NKAIN2: variants seen among roughly 807,000 people sequenced by gnomAD.
NKAIN2 encodes the protein sodium/potassium-transporting ATPase subunit beta-1-interacting protein 2.
A neutral mutation model predicts 32.6 loss-of-function variants in NKAIN2; 14 were observed. The observed-to-expected ratio is 0.43, with a 90% confidence interval of 0.28 to 0.67. NKAIN2 has a LOEUF of 0.67. NKAIN2 is among the 30% of genes least tolerant of loss of function. The pLI is 0.17. For synonymous variants in NKAIN2, 80 were observed against 87.2 expected (o/e 0.92, Z 0.46); for missense variants, 198 against 258.3 (o/e 0.77, Z 1.60).
chr6:124,618,564 G>T (rs1399935406), intron 3 of NKAIN2, among the ~76,000 whole-genome samples: 1 of 152,130 alleles, frequency 6.6e-6, no homozygotes, highest in Non-Finnish European at 1.5e-5. Context: ...ATACCTGAAA[G>T]TTCCTGCTAG....
At chr6:124,733,743 A>G (rs1776799280) in intron 4 of NKAIN2, among the ~76,000 whole-genome samples, 1 of 151,818 alleles carries the variant, frequency 6.6e-6, no homozygotes, top group Non-Finnish European at 1.5e-5. Flanking sequence ...ATAGATGCAT[A>G]TAGTTACATA....
At chr6:124,147,388 T>C (rs1362743095) in intron 1 of NKAIN2, among the ~76,000 whole-genome samples, 1 of 151,554 alleles carries the variant, frequency 6.6e-6, no homozygotes, top group Admixed American at 6.6e-5. Flanking sequence ...GAGAACAGTC[T>C]CCACCATACA....
chr6:124,450,238 C>T (rs1776045929), intron 3 of NKAIN2, among the ~76,000 whole-genome samples: 1 of 152,006 alleles, frequency 6.6e-6, no homozygotes, highest in African/African-American at 2.4e-5. Context: ...ATTTGGAAGA[C>T]TACCAAATAT....
At chr6:124,279,273 C>T (rs1456594107) in intron 1 of NKAIN2, among the ~76,000 whole-genome samples, 1 of 151,862 alleles carries the variant, frequency 6.6e-6, no homozygotes, top group African/African-American at 2.4e-5. Context: ...TTTGGGAGGC[C>T]GACGTGGGCC....
intron 1 of NKAIN2, among the ~76,000 whole-genome samples, chr6:124,169,826 C>A (rs1788756782): frequency 2.6e-5 from 4 of 152,138 alleles, no homozygotes; most frequent in Admixed American, 2.6e-4. Flanking sequence ...GTGGAACGGA[C>A]TTTCACCCCA....
At chr6:123,848,729 A>C (rs1224093052) in intron 1 of NKAIN2, among the ~76,000 whole-genome samples, 2 of 152,188 alleles carry the variant, frequency 1.3e-5, no homozygotes, top group African/African-American at 2.4e-5. Context: ...ACTGAGCCAA[A>C]GGGTGTGTGC....
At chr6:124,361,262 G>A (rs1038311617) in intron 3 of NKAIN2, among the ~76,000 whole-genome samples, 9 of 151,990 alleles carry the variant, frequency 5.9e-5, no homozygotes, top group African/African-American at 1.7e-4. Context: ...TGGATTGTCC[G>A]TAAAAACCTA....
Position 124,005,241 on chromosome 6 carries a change from C to T in NKAIN2, c.54+200987C>T, listed in dbSNP as rs117966992. On this transcript the variant is annotated intron_variant, in intron 1 of 6. Transcript: ENST00000368417. ...CTCCATCTCAAAAAACAAAACAAAACGAAACAAAACAGAAAGGAAAACCCT... is the reference window on the plus strand; with the variant it reads ...CTCCATCTCAAAAAACAAAACAAAATGAAACAAAACAGAAAGGAAAACCCT... Among the ~76,000 whole-genome samples, 1,110 of 151,982 alleles carry T rather than the reference C, an allele frequency of 7.3e-3. 4 individuals carry two copies. The highest frequency in any genetic ancestry group is 0.011 in the Non-Finnish European group (739 of 67,934).
At chr6:124,759,415 T>C (rs1391924552) in intron 4 of NKAIN2, among the ~76,000 whole-genome samples, 1 of 152,112 alleles carries the variant, frequency 6.6e-6, no homozygotes, top group East Asian at 1.9e-4. Context: ...AAGGATCTAG[T>C]CTATATTATA....
intron 3 of NKAIN2, among the ~76,000 whole-genome samples, chr6:124,553,976 A>G (rs1463043813): frequency 6.6e-6 from 1 of 152,218 alleles, no homozygotes; most frequent in African/African-American, 2.4e-5. Context: ...TACAACAGAA[A>G]AGTGGGAAGA....
intron 1 of NKAIN2, among the ~76,000 whole-genome samples, chr6:124,182,677 A>C (rs1215456589): frequency 1.3e-5 from 2 of 152,216 alleles, no homozygotes; most frequent in African/African-American, 4.8e-5. Flanking sequence ...AGACCTGTCT[A>C]TATCCATATA....
chr6:124,444,993 T>C (rs1022369951), intron 3 of NKAIN2, among the ~76,000 whole-genome samples: 4 of 151,932 alleles, frequency 2.6e-5, no homozygotes, highest in African/African-American at 7.2e-5. Context: ...AAAAAACAAA[T>C]AATACATGCA....
At chr6:124,562,395 C>T (rs190617348) in intron 3 of NKAIN2, among the ~76,000 whole-genome samples, 127 of 152,116 alleles carry the variant, frequency 8.3e-4, no homozygotes, top group Non-Finnish European at 2.6e-4. Context: ...TAATTTTTTC[C>T]TGTGGTTTAG....
chr6:123,871,882 C>G (rs947679751), intron 1 of NKAIN2, among the ~76,000 whole-genome samples: 1 of 151,768 alleles, frequency 6.6e-6, no homozygotes. Context: ...AATATGAATC[C>G]CCGATTGAAT....
intron 4 of NKAIN2, among the ~76,000 whole-genome samples, chr6:124,771,885 G>C (rs1422956440): frequency 1.3e-5 from 2 of 152,140 alleles, no homozygotes; most frequent in Admixed American, 1.3e-4. Context: ...TGCAACAGCA[G>C]GGGCAAGGGC....
At chr6:124,301,416 G>A (rs547411373) in intron 2 of NKAIN2, among the ~76,000 whole-genome samples, 13 of 152,302 alleles carry the variant, frequency 8.5e-5, no homozygotes, top group African/African-American at 2.9e-4. Flanking sequence ...AATGTGTGGT[G>A]GAAGCCCCTA....
chr6:124,663,967 C>T lies in NKAIN2; in HGVS notation c.474+5581C>T, dbSNP rs556733276. On this transcript the variant is annotated intron_variant, in intron 4 of 6. Transcript: ENST00000368417. ...GAGAAAAAAAACCTAGAAATTGAAT[C>T]GTCCTTAATTCTGTCTCATTCTAGT... 3.3e-5 allele frequency among the ~76,000 whole-genome samples: 5 copies of T among 152,138 alleles called. No individual in the cohort carries two copies. The South Asian group carries it at 8.3e-4, about 25-fold the overall frequency.
intron 3 of NKAIN2, among the ~76,000 whole-genome samples, chr6:124,488,584 G>A (rs918564122): frequency 6.6e-6 from 1 of 151,938 alleles, no homozygotes; most frequent in South Asian, 2.1e-4. Context: ...TCTTAAACTT[G>A]TAAGCAAAGC....
intron 3 of NKAIN2, among the ~76,000 whole-genome samples, chr6:124,470,948 T>C (rs1324656717): frequency 1.3e-5 from 2 of 151,540 alleles, no homozygotes; most frequent in Non-Finnish European, 2.9e-5. Context: ...AATCTGGTTC[T>C]CAGTCAGTTT....
Sources: allele counts gnomAD v4.1 joint callset (sites outside exome capture counted in the v4.1 genomes callset), GRCh38; gene constraint gnomAD v4.1.1; transcripts MANE v1.5; gene names NCBI Gene and HGNC (gene_info 2026-07-23, HGNC 2026-07-21).